Variants in QRSL1 observed in about 807,000 individuals in gnomAD.
The protein encoded by QRSL1 is glutamyl-tRNA(Gln) amidotransferase subunit A, mitochondrial.
A neutral mutation model predicts 61.6 loss-of-function variants in QRSL1; 54 were observed. The ratio of observed to expected loss-of-function variants is 0.88; its 90% CI spans 0.70 to 1.10. The LOEUF (loss-of-function observed/expected upper bound fraction) is 1.10. QRSL1 is among the 50% of genes least tolerant of loss of function. The probability of loss-of-function intolerance (pLI) is 0.00; values close to 1 mark genes in which losing one functional copy is unlikely to be tolerated. For missense variants in QRSL1, 505 were observed against 622.6 expected, an observed-to-expected ratio of 0.81 and a Z score of 2.01; for synonymous variants, 228 against 225.7, an observed-to-expected ratio of 1.01 and a Z score of -0.09.
chr6:106,649,257 A>C (rs979770498), intron 5 of QRSL1, 56 bp downstream of exon 5: 8 of 1,560,150 alleles, frequency 5.1e-6, no homozygotes, highest in Non-Finnish European at 6.1e-6. Context: ...AAACAGTCAT[A>C]AACTGTATCC....
chr6:106,640,956 A>G, intron 3 of QRSL1, 35 bp downstream of exon 3: 1 of 1,480,756 alleles, frequency 6.8e-7, no homozygotes, highest in Non-Finnish European at 9.4e-7. Flanking sequence ...TGATAATTTT[A>G]TAAAAATAGG....
intron 10 of QRSL1, among the ~76,000 whole-genome samples, chr6:106,663,869 T>C (rs996543013): frequency 5.3e-5 from 8 of 152,198 alleles, no homozygotes; most frequent in Non-Finnish European, 1.2e-4. Context: ...GTATAATGAA[T>C]GCTGATATGC....
rs576985090 is a variant in QRSL1 at position 106,666,269 on chromosome 6, G to A, written c.*267G>A. The A allele has an allele frequency of 4.7e-6, 2 of 424,750 alleles. No homozygotes were observed. Among genetic ancestry groups the A allele is most frequent in the Admixed American group, 7.5e-5 (2 of 26,698 alleles). The allele number at this position is 424,750 out of a possible 1,614,324, so 26.3% of individuals were successfully genotyped here. A position where few individuals can be genotyped will look rare whatever the true frequency, so the allele number is the denominator to read the frequency against. ...GGAGGTTGCAGTGAGCCGAGATCAT[G>A]CCACTGCACTGCACTCCAGCCTGGG... On this transcript the variant is annotated 3_prime_UTR_variant, in exon 11 of 11. Coordinates refer to ENST00000369046, the MANE Select transcript of QRSL1 (RefSeq NM_018292.5).
Position 106,653,840 on chromosome 6 carries a change from AAAG to A in QRSL1, c.850-886_850-884del, listed in dbSNP as rs1381642439. On this transcript the variant is annotated intron_variant, in intron 7 of 10. Transcript: ENST00000369046. Reference sequence around the variant, plus strand: ...CCCTATCTCAAAAAAAAAAAAAAAAAAAGAAGGCAATATCTGTGCATTCTTTTT... The same window carrying A: ...CCCTATCTCAAAAAAAAAAAAAAAAAAAGGCAATATCTGTGCATTCTTTTT... The A allele has an allele frequency of 4.6e-5, 7 of 152,096 alleles. No homozygotes were observed. In the South Asian group the frequency reaches 6.2e-4, roughly 14 times the overall value. 9.4% of individuals were successfully genotyped at this position (152,096 alleles called of 1,614,324 possible). A position where few individuals can be genotyped will look rare whatever the true frequency, so the allele number is the denominator to read the frequency against.
intron 3 of QRSL1, among the ~76,000 whole-genome samples, chr6:106,641,196 T>C (rs776639780): frequency 6.6e-6 from 1 of 152,186 alleles, no homozygotes; most frequent in South Asian, 2.1e-4. Context: ...ACTGGGTGCA[T>C]ACCTGTAGTC....
chr6:106,656,312 A>C (rs1777270640), intron 9 of QRSL1, among the ~76,000 whole-genome samples: 1 of 152,228 alleles, frequency 6.6e-6, no homozygotes, highest in Non-Finnish European at 1.5e-5. Context: ...TTTGGGTATT[A>C]CCACATTGGT....
chr6:106,655,595 T>TTTCTTGTTTTCAGGTCACAG lies in QRSL1; in HGVS notation c.1043-20_1043-19insTTCTTGTTTTCAGGTCACAG. Reference sequence around the variant, plus strand: ...ACTTTACTTCCTTTCAAGTAATGTTTACCCTTTTCTTGTTTTCAGGTCACA... The same window carrying TTTCTTGTTTTCAGGTCACAG: ...ACTTTACTTCCTTTCAAGTAATGTTTTTCTTGTTTTCAGGTCACAGACCCTTTTCTTGTTTTCAGGTCACA... On this transcript the variant is annotated intron_variant, in intron 8 of 10. Coordinates refer to ENST00000369046, the MANE Select transcript of QRSL1 (RefSeq NM_018292.5). The TTTCTTGTTTTCAGGTCACAG allele has an allele frequency of 6.6e-7, 1 of 1,512,730 alleles. No homozygotes were observed. The highest frequency in any genetic ancestry group is 9.2e-7 in the Non-Finnish European group (1 of 1,090,262). 93.7% of individuals were successfully genotyped at this position (1,512,730 alleles called of 1,614,324 possible). A position where few individuals can be genotyped will look rare whatever the true frequency, so the allele number is the denominator to read the frequency against.
rs1224073433 is a variant in QRSL1, at chr6:106,629,673, A to T, written c.-9A>T. 1 of 1,604,798 alleles carries T rather than the reference A, an allele frequency of 6.2e-7. No homozygotes were observed. Among genetic ancestry groups the T allele is most frequent in the South Asian group, 1.1e-5 (1 of 88,830 alleles). ...TGGCTCCTGTGGTGGCAGGCTGGGC[A>T]CGAGGACCATGCTGGGCCGGAGCCT... On this transcript the variant is annotated 5_prime_UTR_variant, in exon 1 of 11. Coordinates refer to ENST00000369046, the MANE Select transcript of QRSL1 (RefSeq NM_018292.5).
chr6:106,639,949 G>T (rs1228624433), intron 1 of QRSL1, among the ~76,000 whole-genome samples: 1 of 152,134 alleles, frequency 6.6e-6, no homozygotes, highest in Non-Finnish European at 1.5e-5. Context: ...GCCTCGTCCA[G>T]TTCACTTCTC....
chr6:106,637,325 C>T (rs141974287), intron 1 of QRSL1, among the ~76,000 whole-genome samples: 1,836 of 152,244 alleles, frequency 0.012, 43 homozygotes, highest in African/African-American at 0.042. Context: ...GAAGGAAAAG[C>T]TTGTGCAAAG....
At chr6:106,661,096 C>T (rs1243529927) in intron 9 of QRSL1, among the ~76,000 whole-genome samples, 2 of 150,376 alleles carry the variant, frequency 1.3e-5, no homozygotes, top group Admixed American at 1.4e-4. Flanking sequence ...TAATAGAAAA[C>T]AAGTATTTGT....
At chr6:106,631,731 A>G (rs1300939320) in intron 1 of QRSL1, among the ~76,000 whole-genome samples, 1 of 152,238 alleles carries the variant, frequency 6.6e-6, no homozygotes, top group African/African-American at 2.4e-5. Context: ...ATTTTGATAC[A>G]GGCATACAAT....
At chr6:106,634,149 G>C (rs1298112295) in intron 1 of QRSL1, among the ~76,000 whole-genome samples, 1 of 152,130 alleles carries the variant, frequency 6.6e-6, no homozygotes, top group Non-Finnish European at 1.5e-5. Flanking sequence ...AGATCTGAGA[G>C]AATAGTGTTC....
In QRSL1 at chr6:106,654,798, G is replaced by A. The variant is rs745468283; in HGVS notation, c.918G>A (p.Glu306=). 6.2e-7 allele frequency: 1 copy of A among 1,613,834 alleles called. No individual in the cohort carries two copies. The highest frequency in any genetic ancestry group is 8.5e-7 in the Non-Finnish European group (1 of 1,179,830). Reference sequence around the variant, plus strand: ...GGTCCAAAGCTGCTGACCTCTTTGAGTCTGAGGGGGCCAAAGTAATTGAAG... The same window carrying A: ...GGTCCAAAGCTGCTGACCTCTTTGAATCTGAGGGGGCCAAAGTAATTGAAG... The part of the protein sequence containing the change: ...SLWSKAADLF[E]SEGAKVIEVS... The change falls in exon 8 of 11, where the codon GAG becomes GAA. Residue 306 remains glutamate (E), a synonymous_variant. Coordinates refer to ENST00000369046, the MANE Select transcript of QRSL1 (RefSeq NM_018292.5).
chr6:106,663,638 T>C (rs996897821), intron 10 of QRSL1, among the ~76,000 whole-genome samples: 3 of 152,176 alleles, frequency 2.0e-5, no homozygotes, highest in Non-Finnish European at 2.9e-5. Flanking sequence ...TTAAACCGTT[T>C]ATGAGAAACC....
At chr6:106,647,719 C>T (rs56288012) in intron 4 of QRSL1, among the ~76,000 whole-genome samples, 3 of 121,548 alleles carry the variant, frequency 2.5e-5, no homozygotes, top group Admixed American at 9.3e-5. Flanking sequence ...GGCGCGATCT[C>T]GGCTCACTGC....
At chr6:106,633,022 G>T (rs1482477955) in intron 1 of QRSL1, among the ~76,000 whole-genome samples, 2 of 152,074 alleles carry the variant, frequency 1.3e-5, no homozygotes, top group African/African-American at 4.8e-5. Flanking sequence ...CTTTTTTAGT[G>T]CTACTTCTCT....
At chr6:106,630,069 C>T (rs995960091) in intron 1 of QRSL1, among the ~76,000 whole-genome samples, 1 of 152,160 alleles carries the variant, frequency 6.6e-6, no homozygotes, top group Non-Finnish European at 1.5e-5. Context: ...GCAGTTGTCG[C>T]TAAGAAGCCC....
At chr6:106,629,776 C>T in intron 1 of QRSL1, 71 bp downstream of exon 1, 3 of 1,552,016 alleles carry the variant, frequency 1.9e-6, no homozygotes, top group East Asian at 4.8e-5. Context: ...ACAAAGAGTC[C>T]CTGGGCCTTA....
Sources: allele counts gnomAD v4.1 joint callset (sites outside exome capture counted in the v4.1 genomes callset), GRCh38; gene constraint gnomAD v4.1.1; transcripts MANE v1.5; gene names NCBI Gene and HGNC (gene_info 2026-07-23, HGNC 2026-07-21).